The following PLEKHG7 variants were observed in gnomAD, a reference collection of about 807,000 sequenced individuals.
The protein encoded by PLEKHG7 is pleckstrin homology domain-containing family G member 7.
A neutral mutation model predicts 85.2 loss-of-function variants in PLEKHG7; 77 were observed. The ratio of observed to expected loss-of-function variants is 0.90; its 90% CI spans 0.75 to 1.09. The LOEUF is 1.09. PLEKHG7 is among the 50% of genes least tolerant of loss of function. The pLI, the probability that PLEKHG7 is intolerant of heterozygous loss-of-function variation, is 0.00. For synonymous variants in PLEKHG7, 301 were observed against 302.4 expected (o/e 1.00, Z 0.05); for missense variants, 777 against 804.3 (o/e 0.97, Z 0.41).
intron 10 of PLEKHG7, among the ~76,000 whole-genome samples, chr12:92,753,126 C>A (rs1251996396): frequency 6.6e-6 from 1 of 152,152 alleles, no homozygotes; most frequent in South Asian, 2.1e-4. Context: ...TGAAGGAAAG[C>A]AAACATTCAG....
intron 3 of PLEKHG7, among the ~76,000 whole-genome samples, chr12:92,721,943 C>A (rs1250947117): frequency 1.3e-5 from 2 of 151,890 alleles, no homozygotes; most frequent in African/African-American, 2.4e-5. Context: ...GCACCCCTAC[C>A]CCACACAGAC....
intron 10 of PLEKHG7, 32 bp downstream of exon 10, chr12:92,745,623 T>C (rs920690455): frequency 1.3e-6 from 2 of 1,505,560 alleles, no homozygotes; most frequent in African/African-American, 2.8e-5. Context: ...TTTTGTATTT[T>C]TGCTGATGCT....
chr12:92,724,239 T>C (rs1187308848), intron 3 of PLEKHG7, among the ~76,000 whole-genome samples: 1 of 152,238 alleles, frequency 6.6e-6, no homozygotes, highest in Non-Finnish European at 1.5e-5. Flanking sequence ...CCCAGTGTCC[T>C]GTATGCAATA....
chr12:92,732,418 G>A (rs913552228), intron 5 of PLEKHG7, 145 bp downstream of exon 5: 16 of 483,034 alleles, frequency 3.3e-5, no homozygotes, highest in African/African-American at 6.0e-5. Context: ...CATCACATCC[G>A]TAGTATTGGC....
At chr12:92,717,226 C>A (rs1411866396) in intron 3 of PLEKHG7, among the ~76,000 whole-genome samples, 2 of 152,176 alleles carry the variant, frequency 1.3e-5, no homozygotes, top group Non-Finnish European at 2.9e-5. Context: ...TTAAATACAT[C>A]CATATTAGCC....
At position 92,768,963 on chromosome 12, in the gene PLEKHG7, T is replaced by A; in HGVS notation, c.1871-20T>A. 4 of 1,499,178 alleles carry A rather than the reference T, an allele frequency of 2.7e-6. No individual in the cohort carries two copies. In the South Asian group the frequency reaches 4.9e-5, roughly 18 times the overall value. The allele number at this position is 1,499,178 out of a possible 1,614,324, so 92.9% of individuals were successfully genotyped here. A position where few individuals can be genotyped will look rare whatever the true frequency, so the allele number is the denominator to read the frequency against. ...ATATGAAATGATTTGGCTTTTTGTC[T>A]TTGTAATATCTTTTTCTAGTCTTTG... is the stretch of plus-strand genomic sequence containing the variant. On this transcript the variant is annotated intron_variant, in intron 15 of 16. Coordinates refer to ENST00000344636, the MANE Select transcript of PLEKHG7 (RefSeq NM_001377329.1).
chr12:92,732,463 C>T (rs945073248), intron 5 of PLEKHG7, among the ~76,000 whole-genome samples, 190 bp downstream of exon 5: 9 of 152,036 alleles, frequency 5.9e-5, no homozygotes, highest in Non-Finnish European at 8.8e-5. Context: ...ATTTGTGCAG[C>T]GAAACAGTGC....
At chr12:92,746,237 C>T (rs1300589301) in intron 10 of PLEKHG7, among the ~76,000 whole-genome samples, 1 of 152,164 alleles carries the variant, frequency 6.6e-6, no homozygotes, top group African/African-American at 2.4e-5. Context: ...GTGCCAGAGC[C>T]CTTTTGGATC....
intron 15 of PLEKHG7, among the ~76,000 whole-genome samples, chr12:92,766,028 A>G (rs1049317637): frequency 2.6e-5 from 4 of 152,184 alleles, no homozygotes; most frequent in Non-Finnish European, 5.9e-5. Context: ...AAAATCTGCC[A>G]AGCCAGACAG....
rs1388436804 is a variant in PLEKHG7, at chr12:92,706,627, G to C, written c.-5G>C. ...CTTCTACCAACAGTAGAACCTCTTA[G>C]CTTTATGGAGAAAACAGAGTCATTC... is the stretch of plus-strand genomic sequence containing the variant. On this transcript the variant is annotated 5_prime_UTR_variant, in exon 2 of 17. Coordinates refer to ENST00000344636, the MANE Select transcript of PLEKHG7 (RefSeq NM_001377329.1). The C allele has an allele frequency of 1.2e-6, 2 of 1,601,616 alleles. No homozygotes were observed. The highest frequency in any genetic ancestry group is 1.7e-6 in the Non-Finnish European group (2 of 1,174,478).
chr12:92,733,575 C>T (rs929863671), intron 5 of PLEKHG7, among the ~76,000 whole-genome samples: 1 of 152,162 alleles, frequency 6.6e-6, no homozygotes, highest in Non-Finnish European at 1.5e-5. Context: ...AGATCTGAGA[C>T]AAGGCTTATG....
intron 1 of PLEKHG7, among the ~76,000 whole-genome samples, chr12:92,705,508 T>C (rs1871206815): frequency 6.6e-6 from 1 of 152,278 alleles, no homozygotes; most frequent in African/African-American, 2.4e-5. Context: ...TGCTTTAGAA[T>C]GATAAACTTA....
At position 92,770,996 on chromosome 12, in the gene PLEKHG7, G is replaced by GGGGTGT. The variant is rs1555197096; in HGVS notation, c.*802_*803insGGTGTG. 6.7e-6 allele frequency: 1 copy of GGGGTGT among 150,264 alleles called. No individual in the cohort carries two copies. The highest frequency in any genetic ancestry group is 6.6e-5 in the Admixed American group (1 of 15,066). 9.3% of individuals were successfully genotyped at this position (150,264 alleles called of 1,614,324 possible). On this transcript the variant is annotated 3_prime_UTR_variant, in exon 17 of 17. Coordinates refer to ENST00000344636, the MANE Select transcript of PLEKHG7 (RefSeq NM_001377329.1). ...ATAAAAATACTTTCTGGTTTTGATT[G>GGGGTGT]GTGTGTGTGTGTGTGTGTGTGTGTG... is the stretch of plus-strand genomic sequence containing the variant.
intron 3 of PLEKHG7, among the ~76,000 whole-genome samples, chr12:92,718,937 T>G (rs1157287329): frequency 5.3e-5 from 8 of 152,226 alleles, no homozygotes; most frequent in African/African-American, 1.9e-4. Flanking sequence ...ATCTCTGTTC[T>G]GTGTTCAAAC....
intron 5 of PLEKHG7, among the ~76,000 whole-genome samples, chr12:92,735,441 C>T (rs1326412183): frequency 6.6e-6 from 1 of 152,206 alleles, no homozygotes. Flanking sequence ...AGCAGATAAC[C>T]TGTGCCTTCT....
At chr12:92,756,445 T>A (rs1469082882) in intron 13 of PLEKHG7, 54 bp downstream of exon 13, 9 of 1,350,554 alleles carry the variant, frequency 6.7e-6, no homozygotes, top group Non-Finnish European at 9.5e-6. Flanking sequence ...TTGTAACTTG[T>A]TTGACTGCCA....
At chr12:92,735,595 T>G (rs1053951499) in intron 5 of PLEKHG7, among the ~76,000 whole-genome samples, 2 of 152,256 alleles carry the variant, frequency 1.3e-5, no homozygotes, top group Non-Finnish European at 2.9e-5. Context: ...TTTAAAAGCC[T>G]TGCACATTGT....
In PLEKHG7 at chr12:92,770,815, ATTACT is replaced by A. The variant is rs1873393128; in HGVS notation, c.*624_*628del. The A allele has an allele frequency of 1.3e-5, 2 of 148,326 alleles. No individual in the cohort carries two copies. Among genetic ancestry groups the A allele is most frequent in the African/African-American group, 5.0e-5 (2 of 40,218 alleles). The allele number at this position is 148,326 out of a possible 1,614,324, so 9.2% of individuals were successfully genotyped here. A position where few individuals can be genotyped will look rare whatever the true frequency, so the allele number is the denominator to read the frequency against. On this transcript the variant is annotated 3_prime_UTR_variant, in exon 17 of 17. Transcript: ENST00000344636. Reference sequence around the variant, plus strand: ...TAGAAAATCCCAAAGACTAAATTCCATTACTTTAAGATAGGAAGAAAAAAAAAATC... The same window carrying A: ...TAGAAAATCCCAAAGACTAAATTCCATTAAGATAGGAAGAAAAAAAAAATC...
chr12:92,739,841 T>A (rs1872296234), intron 7 of PLEKHG7, among the ~76,000 whole-genome samples: 2 of 152,238 alleles, frequency 1.3e-5, no homozygotes, highest in Non-Finnish European at 2.9e-5. Context: ...TTTAAATGCT[T>A]GGATATTGAC....
Sources: gnomAD v4.1 joint callset for allele counts (sites outside exome capture counted in the v4.1 genomes callset) on GRCh38, gnomAD v4.1.1 for gene constraint, MANE v1.5 for transcripts, NCBI Gene and HGNC (gene_info 2026-07-23, HGNC 2026-07-21) for gene names.